CHD9: variants seen among roughly 807,000 people sequenced by gnomAD.
CHD9 encodes chromodomain helicase DNA binding protein 9.
CHD9 carries 77 observed loss-of-function variants against 316.1 expected under a neutral mutation model. That is an observed-to-expected ratio of 0.24 (90% CI 0.20 to 0.29). CHD9 has a LOEUF of 0.29. CHD9 is among the 10% of genes least tolerant of loss of function. The pLI is 1.00. For synonymous variants in CHD9, 1,129 were observed against 1,158.3 expected (o/e 0.97, Z 0.51); for missense variants, 2,763 against 3,438.1 (o/e 0.80, Z 4.91).
Position 53,268,611 on chromosome 16 carries a change from C to T in CHD9, c.4717+485C>T, listed in dbSNP as rs1030144387. 6.2e-4 allele frequency among the ~76,000 whole-genome samples: 95 copies of T among 152,080 alleles called. 1 individual carries two copies. The highest frequency in any genetic ancestry group is 2.1e-3 in the African/African-American group (86 of 41,418). On this transcript the variant is annotated intron_variant, in intron 22 of 38. Coordinates refer to ENST00000447540, the MANE Select transcript of CHD9 (RefSeq NM_001308319.2). ...TTATTAAAGTATAGCTTATATACATCTTTAGAACCTAAAATGTGGTCTCTG... is the reference window on the plus strand; with the variant it reads ...TTATTAAAGTATAGCTTATATACATTTTTAGAACCTAAAATGTGGTCTCTG...
At chr16:53,113,749 G>T (rs2038052563) in intron 1 of CHD9, among the ~76,000 whole-genome samples, 1 of 152,008 alleles carries the variant, frequency 6.6e-6, no homozygotes, top group Non-Finnish European at 1.5e-5. Context: ...AAAAAAATCT[G>T]GAGTGTAGCG....
chr16:53,162,276 A>G (rs566765873), intron 2 of CHD9, among the ~76,000 whole-genome samples: 2 of 152,190 alleles, frequency 1.3e-5, no homozygotes, highest in Admixed American at 1.3e-4. Flanking sequence ...GGAAGAAAAA[A>G]GAAAAAAAGT....
chr16:53,240,512 CA>C (rs1202740907), intron 12 of CHD9, among the ~76,000 whole-genome samples: 7 of 151,900 alleles, frequency 4.6e-5, no homozygotes, highest in Admixed American at 3.9e-4. Context: ...TTTTAAATTT[CA>C]AAAGATAAAG....
At chr16:53,135,645 A>C (rs564190893) in intron 1 of CHD9, among the ~76,000 whole-genome samples, 1 of 152,294 alleles carries the variant, frequency 6.6e-6, no homozygotes, top group Non-Finnish European at 1.5e-5. Flanking sequence ...CAAGAAAACA[A>C]GTTTTGAACA....
intron 3 of CHD9, among the ~76,000 whole-genome samples, chr16:53,214,711 A>G (rs1286366085): frequency 6.6e-6 from 1 of 152,156 alleles, no homozygotes; most frequent in African/African-American, 2.4e-5. Context: ...TGGTACCTTT[A>G]TATGAATCAT....
chr16:53,153,626 T>C (rs1343275599), intron 1 of CHD9, among the ~76,000 whole-genome samples: 4 of 152,132 alleles, frequency 2.6e-5, no homozygotes, highest in Non-Finnish European at 5.9e-5. Flanking sequence ...TCTCTCAGGC[T>C]CAAGCGATCC....
At chr16:53,191,158 G>A (rs1298947293) in intron 2 of CHD9, among the ~76,000 whole-genome samples, 1 of 152,054 alleles carries the variant, frequency 6.6e-6, no homozygotes, top group African/African-American at 2.4e-5. Flanking sequence ...CTATAGATTA[G>A]TTTTGCCTGT....
chr16:53,277,964 C>T (rs2053019271), intron 24 of CHD9, among the ~76,000 whole-genome samples: 1 of 151,474 alleles, frequency 6.6e-6, no homozygotes, highest in Non-Finnish European at 1.5e-5. Flanking sequence ...ACACCAGCAG[C>T]GACCAAGCTG....
At position 53,243,026 on chromosome 16, in the gene CHD9, T is replaced by C. The variant is rs2049237320; in HGVS notation, c.3054+10T>C. On this transcript the variant is annotated intron_variant, in intron 13 of 38. Transcript: ENST00000447540. ...GAAACTCATGAATCTGGTAAGTAAC[T>C]TAATATTATCATTATGACAATTGAG... 6.4e-7 allele frequency: 1 copy of C among 1,554,874 alleles called. No homozygotes were observed. Among genetic ancestry groups the C allele is most frequent in the Non-Finnish European group, 8.8e-7 (1 of 1,132,442 alleles).
chr16:53,309,330 CA>C (rs2056260992), intron 34 of CHD9, among the ~76,000 whole-genome samples: 1 of 152,090 alleles, frequency 6.6e-6, no homozygotes, highest in Non-Finnish European at 1.5e-5. Context: ...TATTATTGGG[CA>C]GCTCAAATTG....
intron 22 of CHD9, among the ~76,000 whole-genome samples, chr16:53,270,764 G>A (rs1014851830): frequency 2.6e-5 from 4 of 152,114 alleles, no homozygotes; most frequent in Admixed American, 6.6e-5. Flanking sequence ...CTGAATCTTA[G>A]GTCAGCAGTG....
At chr16:53,106,099 C>T (rs920577235) in intron 1 of CHD9, among the ~76,000 whole-genome samples, 1 of 152,112 alleles carries the variant, frequency 6.6e-6, no homozygotes, top group Non-Finnish European at 1.5e-5. Context: ...GGATTACAGG[C>T]GTGAGCCACC....
intron 1 of CHD9, among the ~76,000 whole-genome samples, chr16:53,100,641 G>A (rs542798025): frequency 2.0e-5 from 3 of 151,942 alleles, no homozygotes; most frequent in Non-Finnish European, 4.4e-5. Context: ...TAATTTTTTT[G>A]TAGGGATGGA....
chr16:53,261,095 C>CAA (rs753392412), intron 19 of CHD9, among the ~76,000 whole-genome samples: 5,063 of 123,114 alleles, frequency 0.041, 291 homozygotes, highest in African/African-American at 0.14. Flanking sequence ...TTAGAGAAAG[C>CAA]AAAAAAAAAA....
chr16:53,158,146 A>C (rs548653245), intron 2 of CHD9, among the ~76,000 whole-genome samples: 2 of 152,242 alleles, frequency 1.3e-5, no homozygotes, highest in Non-Finnish European at 2.9e-5. Flanking sequence ...TGGTACCTAC[A>C]TGGCTTTGTT....
intron 3 of CHD9, among the ~76,000 whole-genome samples, chr16:53,210,718 A>C (rs1361753926): frequency 6.6e-6 from 1 of 152,080 alleles, no homozygotes; most frequent in Non-Finnish European, 1.5e-5. Context: ...GAAAATCTTC[A>C]TTTGCTCAGA....
intron 1 of CHD9, among the ~76,000 whole-genome samples, chr16:53,075,466 G>A (rs537990739): frequency 1.2e-4 from 19 of 152,254 alleles, no homozygotes; most frequent in Non-Finnish European, 1.8e-4. Flanking sequence ...ACCCCCACCC[G>A]AATTTCATCT....
intron 24 of CHD9, among the ~76,000 whole-genome samples, chr16:53,278,900 C>T (rs1648693536): frequency 6.6e-6 from 1 of 152,186 alleles, no homozygotes; most frequent in Non-Finnish European, 1.5e-5. Flanking sequence ...AACACTTTTA[C>T]ACTGTTGGTG....
At chr16:53,293,656 G>T (rs73606093) in intron 29 of CHD9, among the ~76,000 whole-genome samples, 3 of 148,726 alleles carry the variant, frequency 2.0e-5, no homozygotes, top group African/African-American at 7.4e-5. Context: ...GCAAACTCAT[G>T]AATTGAATCA....
Sources: allele counts gnomAD v4.1 joint callset (sites outside exome capture counted in the v4.1 genomes callset), GRCh38; gene constraint gnomAD v4.1.1; transcripts MANE v1.5; gene names NCBI Gene and HGNC (gene_info 2026-07-23, HGNC 2026-07-21).